The following INTS6 variants were observed in gnomAD, a reference collection of about 807,000 sequenced individuals.
The protein encoded by INTS6 is DEAD box protein.
A neutral mutation model predicts 104.9 loss-of-function variants in INTS6; 16 were observed. The ratio of observed to expected loss-of-function variants is 0.15; its 90% CI spans 0.10 to 0.23. The LOEUF is 0.23. Among genes scored for constraint, INTS6 ranks in the 10% least tolerant of loss-of-function variants. The pLI, the probability that INTS6 is intolerant of heterozygous loss-of-function variation, is 1.00. For missense variants in INTS6, 584 were observed against 1,062.8 expected (o/e 0.55, Z 6.26); for synonymous variants, 324 against 358.7 (o/e 0.90, Z 1.09).
intron 4 of INTS6, among the ~76,000 whole-genome samples, chr13:51,426,764 T>C (rs962006021): frequency 4.6e-5 from 7 of 151,978 alleles, no homozygotes; most frequent in Admixed American, 1.3e-4. Context: ...GACACTTACA[T>C]AGAAAGCTGA....
chr13:51,419,493 T>G (rs1429410815), intron 4 of INTS6, among the ~76,000 whole-genome samples: 1 of 152,220 alleles, frequency 6.6e-6, no homozygotes, highest in Non-Finnish European at 1.5e-5. Context: ...TTCAGTGACC[T>G]TTATGTCTTT....
Position 51,361,930 on chromosome 13 carries a change from A to T in INTS6, c.*3822T>A. 1.9e-6 allele frequency: 3 copies of T among 1,611,968 alleles called. No individual in the cohort carries two copies. The highest frequency in any genetic ancestry group is 1.7e-6 in the Non-Finnish European group (2 of 1,178,660). ...TTTTTTGACAGGATTCAGATAATTT[A>T]TCAGTGTCTCTCTAGCAACAAGGGC... On this transcript the variant is annotated 3_prime_UTR_variant, in exon 18 of 18. Transcript: ENST00000311234.
At chr13:51,422,819 C>T (rs953935526) in intron 4 of INTS6, among the ~76,000 whole-genome samples, 6 of 152,126 alleles carry the variant, frequency 3.9e-5, no homozygotes, top group African/African-American at 1.4e-4. Flanking sequence ...CCTATACTTT[C>T]CATACTCCAG....
intron 13 of INTS6, among the ~76,000 whole-genome samples, chr13:51,375,400 T>C (rs1955900385): frequency 6.6e-6 from 1 of 151,154 alleles, no homozygotes; most frequent in African/African-American, 2.4e-5. Context: ...AAGATGTATC[T>C]CTTCTCTTCT....
chr13:51,438,996 G>A (rs1036833737), intron 3 of INTS6: 1 of 152,092 alleles, frequency 6.6e-6, no homozygotes, highest in African/African-American at 2.4e-5. Context: ...TATTTCCAGT[G>A]TTGAAACCCC....
chr13:51,389,571 CA>C, intron 5 of INTS6, 127 bp from the exon 6 acceptor site: 2 of 837,452 alleles, frequency 2.4e-6, no homozygotes, highest in Non-Finnish European at 1.7e-6. Context: ...AACAAAAGTT[CA>C]ATGGTAAAAG....
chr13:51,441,767 T>G (rs1225283524), intron 3 of INTS6: 8 of 151,576 alleles, frequency 5.3e-5, no homozygotes. Flanking sequence ...TTAAAGTAAT[T>G]ACAGTATAAA....
intron 14 of INTS6, 46 bp downstream of exon 14, chr13:51,374,608 A>G (rs369616921): frequency 3.4e-5 from 54 of 1,599,808 alleles, no homozygotes; most frequent in Non-Finnish European, 4.0e-5. Flanking sequence ...TAAAACTGAC[A>G]GTGCCTACCA....
intron 4 of INTS6, among the ~76,000 whole-genome samples, chr13:51,410,072 G>A (rs76072903): frequency 0.012 from 1,813 of 152,182 alleles, 39 homozygotes; most frequent in African/African-American, 0.041. Flanking sequence ...AAATATTGCT[G>A]AAAAAATCAA....
At chr13:51,339,377 ATTCCTCAATGTGACAAAGGGC>A in the INTS6 span, 2 of 152,228 alleles carry the variant, frequency 1.3e-5, no homozygotes, top group Non-Finnish European at 2.9e-5. Flanking sequence ...TATCAGTGGA[ATTCCTCAATGTGACAAAGGGC>A]TGGATGAGGG....
Position 51,368,935 on chromosome 13 carries a change from A to C in INTS6, c.2476+4T>G. On this transcript the variant is annotated splice_donor_region_variant and intron_variant, in intron 16 of 17. Transcript: ENST00000311234. Reference sequence around the variant, plus strand: ...ATCTGAGGTTCGTCTCTTATTATACATACTTCTTCCTGGCTTTCGGATCTC... The same window carrying C: ...ATCTGAGGTTCGTCTCTTATTATACCTACTTCTTCCTGGCTTTCGGATCTC... 1 of 1,575,626 alleles carries C rather than the reference A, an allele frequency of 6.3e-7. No individual in the cohort carries two copies. The highest frequency in any genetic ancestry group is 8.6e-7 in the Non-Finnish European group (1 of 1,161,954).
Position 51,424,102 on chromosome 13 carries a change from GGAT to G in INTS6, c.429+6189_429+6191del, listed in dbSNP as rs1238871775. Among the ~76,000 whole-genome samples the G allele has an allele frequency of 2.0e-5, 3 of 151,926 alleles. No individual in the cohort carries two copies. The East Asian group carries it at 5.8e-4, about 29-fold the overall frequency. ...CTTTATATATATAAGAGCTAGAATT[GGAT>G]AATAGAAACATCTCTAAATAAAATT... On this transcript the variant is annotated intron_variant, in intron 4 of 17. Transcript: ENST00000311234.
At chr13:51,367,726 C>T (rs920967687) in intron 17 of INTS6, 79 bp downstream of exon 17, 10 of 738,104 alleles carry the variant, frequency 1.4e-5, no homozygotes, top group African/African-American at 3.7e-5. Context: ...AAGTGCAAAA[C>T]GGATACTATT....
chr13:51,380,697 A>G (rs761413013), intron 10 of INTS6, among the ~76,000 whole-genome samples: 63 of 152,214 alleles, frequency 4.1e-4, no homozygotes, highest in Admixed American at 7.2e-4. Context: ...TCCTGCATCA[A>G]AACAGAATAC....
chr13:51,391,759 A>C (rs1043662600), intron 5 of INTS6, among the ~76,000 whole-genome samples: 1 of 152,252 alleles, frequency 6.6e-6, no homozygotes, highest in African/African-American at 2.4e-5. Flanking sequence ...AAGCAAATGA[A>C]CATTTCTAAG....
chr13:51,350,326 C>T (rs1033343249), downstream of INTS6, among the ~76,000 whole-genome samples: 6 of 151,978 alleles, frequency 3.9e-5, no homozygotes, highest in African/African-American at 9.7e-5. Flanking sequence ...TCATGAGGGA[C>T]GCTTAGCATA....
intron 3 of INTS6, chr13:51,446,313 CATAA>C (rs745373035): frequency 9.9e-5 from 15 of 152,248 alleles, no homozygotes; most frequent in Non-Finnish European, 1.8e-4. Context: ...TGATGCTTAA[CATAA>C]ATAATTATTA....
At chr13:51,439,342 G>T (rs1262225638) in intron 3 of INTS6, 1 of 152,168 alleles carries the variant, frequency 6.6e-6, no homozygotes, top group African/African-American at 2.4e-5. Context: ...AATAATTTTT[G>T]ATAGGACTAA....
chr13:51,381,693 AGTTTTTT>A (rs1956051826), intron 10 of INTS6, among the ~76,000 whole-genome samples: 1 of 130,032 alleles, frequency 7.7e-6, no homozygotes, highest in African/African-American at 3.0e-5. Flanking sequence ...ATAATTAACA[AGTTTTTT>A]GTTTTTTTTT....
Sources: gnomAD v4.1 joint callset for allele counts (sites outside exome capture counted in the v4.1 genomes callset) on GRCh38, gnomAD v4.1.1 for gene constraint, MANE v1.5 for transcripts, NCBI Gene and HGNC (gene_info 2026-07-23, HGNC 2026-07-21) for gene names.